TLCD4: variants seen among roughly 807,000 people sequenced by gnomAD.
The protein encoded by TLCD4 is TLC domain-containing protein 4.
A neutral mutation model predicts 24.2 loss-of-function variants in TLCD4; 7 were observed. The observed-to-expected ratio is 0.29, with a 90% CI of 0.16 to 0.54. The LOEUF (loss-of-function observed/expected upper bound fraction) is 0.54, where lower values mean the gene tolerates loss of function less well. TLCD4 is among the 20% of genes least tolerant of loss of function. The pLI, the probability that TLCD4 is intolerant of heterozygous loss-of-function variation, is 0.95. For synonymous variants in TLCD4, 103 were observed against 106.4 expected, an observed-to-expected ratio of 0.97 and a Z score of 0.20; for missense variants, 259 against 313.9, an observed-to-expected ratio of 0.82 and a Z score of 1.32.
intron 5 of TLCD4, chr1:95,163,996 T>C (rs977748561): frequency 6.6e-6 from 1 of 152,278 alleles, no homozygotes; most frequent in Non-Finnish European, 1.5e-5. Flanking sequence ...GATCTCAAAC[T>C]GTGCTGGGAG....
At chr1:95,168,007 G>C (rs1394548980) in intron 5 of TLCD4, among the ~76,000 whole-genome samples, 2 of 152,054 alleles carry the variant, frequency 1.3e-5, no homozygotes, top group Admixed American at 6.5e-5. Context: ...CCTGGTGTTG[G>C]GACCATCACC....
At chr1:95,130,135 A>G (rs904485822) in intron 1 of TLCD4, among the ~76,000 whole-genome samples, 1 of 152,052 alleles carries the variant, frequency 6.6e-6, no homozygotes, top group Non-Finnish European at 1.5e-5. Flanking sequence ...AGTAGTTGAC[A>G]TTCTTTTTCT....
chr1:95,117,635 G>C lies in TLCD4; in HGVS notation c.-12+18G>C, dbSNP rs1676461425. The C allele has an allele frequency of 1.3e-5, 2 of 152,070 alleles. No homozygotes were observed. Among genetic ancestry groups the C allele is most frequent in the South Asian group, 4.1e-4 (2 of 4,864 alleles). The allele number at this position is 152,070 out of a possible 1,614,324, so 9.4% of individuals were successfully genotyped here. On this transcript the variant is annotated intron_variant, in intron 1 of 6. Transcript: ENST00000370203. ...CGGCACAGGTGACGCCGTTTGGAGG[G>C]GGGGTTGGGGAGGAAGGCGGGCTTG... is the stretch of plus-strand genomic sequence containing the variant.
chr1:95,150,768 AT>A (rs60074592), intron 4 of TLCD4, among the ~76,000 whole-genome samples: 18,083 of 151,858 alleles, frequency 0.12, 1,074 homozygotes, highest in Middle Eastern at 0.17. Context: ...TTTTTAAAAT[AT>A]TTTTTGTACG....
chr1:95,126,871 G>A (rs540016497), intron 1 of TLCD4, among the ~76,000 whole-genome samples: 1 of 152,242 alleles, frequency 6.6e-6, no homozygotes, highest in African/African-American at 2.4e-5. Context: ...TTTGTCAGCA[G>A]TTGGCAAGGC....
chr1:95,096,149 C>G, the TLCD4 span, among the ~76,000 whole-genome samples: 3 of 152,214 alleles, frequency 2.0e-5, no homozygotes, highest in Middle Eastern at 3.2e-3. Flanking sequence ...TGAGGTTATT[C>G]TCTACCAATT....
At chr1:95,141,690 T>G (rs1355379444) in intron 1 of TLCD4, among the ~76,000 whole-genome samples, 1 of 152,038 alleles carries the variant, frequency 6.6e-6, no homozygotes, top group African/African-American at 2.4e-5. Context: ...AATTAAAATT[T>G]TAATACCCAA....
chr1:95,177,703 T>G (rs1323674005), intron 6 of TLCD4, among the ~76,000 whole-genome samples: 1 of 152,128 alleles, frequency 6.6e-6, no homozygotes, highest in Non-Finnish European at 1.5e-5. Flanking sequence ...ACACCTCCAG[T>G]TAATCTTGAG....
chr1:95,183,160 A>G (rs964718289), intron 6 of TLCD4, among the ~76,000 whole-genome samples: 8 of 152,216 alleles, frequency 5.3e-5, no homozygotes, highest in African/African-American at 1.9e-4. Flanking sequence ...TAGTTGTGTG[A>G]ATGGACAGTG....
At chr1:95,153,048 C>A (rs1000014289) in intron 5 of TLCD4, among the ~76,000 whole-genome samples, 1 of 151,830 alleles carries the variant, frequency 6.6e-6, no homozygotes, top group South Asian at 2.1e-4. Flanking sequence ...AATTTCCAAG[C>A]CCACCATATT....
rs149569685 is a variant in TLCD4, at chr1:95,123,396, C to G, written c.-12+5779C>G. 9.1e-4 allele frequency among the ~76,000 whole-genome samples: 138 copies of G among 152,332 alleles called. 1 individual carries two copies. The highest frequency in any genetic ancestry group is 3.2e-3 in the African/African-American group (134 of 41,578). The stretch of plus-strand genomic sequence containing the variant: ...GAGGCCAAGAGGAAGGCTTGATCAC[C>G]TGGAGCCAGAAGAAAGAACCAAACC... On this transcript the variant is annotated intron_variant, in intron 1 of 6. Coordinates refer to ENST00000370203, the MANE Select transcript of TLCD4 (RefSeq NM_152487.3).
At chr1:95,166,825 C>T (rs1678029839) in intron 5 of TLCD4, among the ~76,000 whole-genome samples, 1 of 152,082 alleles carries the variant, frequency 6.6e-6, no homozygotes, top group Non-Finnish European at 1.5e-5. Flanking sequence ...AACTCCTGAG[C>T]TCAAGTGATC....
intron 2 of TLCD4, among the ~76,000 whole-genome samples, chr1:95,146,503 G>T (rs1677352995): frequency 6.6e-6 from 1 of 151,904 alleles, no homozygotes; most frequent in Non-Finnish European, 1.5e-5. Context: ...TCCTTAGAGT[G>T]CTATCCCTTT....
At chr1:95,112,698 A>G (rs1321322992), upstream of TLCD4, among the ~76,000 whole-genome samples, 1 of 152,164 alleles carries the variant, frequency 6.6e-6, no homozygotes, top group African/African-American at 2.4e-5. Flanking sequence ...ACAGGCAAGT[A>G]CTCTAAAAAT....
At position 95,121,502 on chromosome 1, in the gene TLCD4, G is replaced by A. The variant is rs958812533; in HGVS notation, c.-12+3885G>A. Among the ~76,000 whole-genome samples the A allele has an allele frequency of 1.1e-4, 16 of 152,304 alleles. No individual in the cohort carries two copies. In the South Asian group the frequency reaches 1.5e-3, roughly 14 times the overall value. On this transcript the variant is annotated intron_variant, in intron 1 of 6. Coordinates refer to ENST00000370203, the MANE Select transcript of TLCD4 (RefSeq NM_152487.3). The stretch of plus-strand genomic sequence containing the variant: ...TTTTTTCTTTTTGAGACAGGGTCTC[G>A]CTTTGTCACCCAGGCTGGCGTGTAG...
chr1:95,099,727 T>C, the TLCD4 span, among the ~76,000 whole-genome samples: 1 of 152,162 alleles, frequency 6.6e-6, no homozygotes, highest in African/African-American at 2.4e-5. Context: ...TTGAGTATAA[T>C]TTGCTCTACA....
chr1:95,137,500 C>G (rs34100681), intron 1 of TLCD4, among the ~76,000 whole-genome samples: 10,092 of 152,140 alleles, frequency 0.066, 403 homozygotes, highest in Non-Finnish European at 0.09. Flanking sequence ...GATATATTCT[C>G]TAAGGAATCC....
At chr1:95,159,778 C>T (rs142550634) in intron 5 of TLCD4, among the ~76,000 whole-genome samples, 2,069 of 152,260 alleles carry the variant, frequency 0.014, 69 homozygotes, top group African/African-American at 0.048. Context: ...TTCCCCATTT[C>T]TTGTTTTTGT....
chr1:95,095,334 A>G, the TLCD4 span, among the ~76,000 whole-genome samples: 2 of 152,312 alleles, frequency 1.3e-5, no homozygotes, highest in African/African-American at 4.8e-5. Context: ...CTACCTTCAT[A>G]TGTCAGCTCT....
Sources: gnomAD v4.1 joint callset for allele counts (sites outside exome capture counted in the v4.1 genomes callset) on GRCh38, gnomAD v4.1.1 for gene constraint, MANE v1.5 for transcripts, NCBI Gene and HGNC (gene_info 2026-07-23, HGNC 2026-07-21) for gene names.